LUZP2: variants seen among roughly 807,000 people sequenced by gnomAD.
LUZP2 encodes leucine zipper protein 2.
Under a neutral mutation model 51.6 loss-of-function variants are expected in LUZP2, and 52 were observed. That is an observed-to-expected ratio of 1.01 (90% confidence interval 0.81 to 1.27). The LOEUF (loss-of-function observed/expected upper bound fraction) is 1.27, where lower values mean the gene tolerates loss of function less well. Ranked by LOEUF, LUZP2 falls within the 50% of genes most tolerant of loss-of-function variation. The probability of loss-of-function intolerance (pLI) is 0.00; values close to 1 mark genes in which losing one functional copy is unlikely to be tolerated. For missense variants in LUZP2, 436 were observed against 395.4 expected (o/e 1.10, Z -0.87); for synonymous variants, 154 against 137.3 (o/e 1.12, Z -0.85).
intron 1 of LUZP2, among the ~76,000 whole-genome samples, chr11:24,499,480 G>A (rs768563756): frequency 3.9e-5 from 6 of 152,196 alleles, no homozygotes; most frequent in Admixed American, 3.3e-4. Flanking sequence ...AAGGACAGTT[G>A]TGTTAGTAGG....
chr11:24,703,775 G>A (rs148031575), intron 1 of LUZP2, among the ~76,000 whole-genome samples: 311 of 152,008 alleles, frequency 2.0e-3, no homozygotes, highest in African/African-American at 7.1e-3. Flanking sequence ...GTTGCAGTGA[G>A]CCGAGATCAT....
chr11:24,536,442 T>TC (rs753639874), intron 1 of LUZP2, among the ~76,000 whole-genome samples: 1 of 151,956 alleles, frequency 6.6e-6, no homozygotes, highest in East Asian at 1.9e-4. Flanking sequence ...CTGGATAACT[T>TC]CCTGCACCTT....
chr11:24,762,296 T>C (rs1028780006), intron 4 of LUZP2, among the ~76,000 whole-genome samples: 5 of 152,180 alleles, frequency 3.3e-5, no homozygotes, highest in Non-Finnish European at 7.3e-5. Flanking sequence ...CATGAGGCTA[T>C]TGAGCATTAG....
Position 24,824,139 on chromosome 11 carries a change from G to A in LUZP2, c.396+60831G>A, listed in dbSNP as rs113612693. Among the ~76,000 whole-genome samples the A allele has an allele frequency of 1.3e-3, 197 of 151,792 alleles. 1 individual carries two copies. The highest frequency in any genetic ancestry group is 4.3e-3 in the African/African-American group (177 of 41,444). ...AGCACTTTGGGAGGCCGAGGCAGGC[G>A]GATCACCTGAGGTCGGGAGTTCGAG... On this transcript the variant is annotated intron_variant, in intron 5 of 11. Coordinates refer to ENST00000336930, the MANE Select transcript of LUZP2 (RefSeq NM_001009909.4).
intron 5 of LUZP2, among the ~76,000 whole-genome samples, chr11:24,851,379 G>T (rs1276532357): frequency 6.6e-6 from 1 of 152,118 alleles, no homozygotes; most frequent in African/African-American, 2.4e-5. Flanking sequence ...TTCTGTCATT[G>T]GTTCTGTTTA....
intron 1 of LUZP2, among the ~76,000 whole-genome samples, chr11:24,649,621 A>G (rs1855564107): frequency 6.6e-6 from 1 of 151,908 alleles, no homozygotes; most frequent in South Asian, 2.1e-4. Context: ...TGCTTTAGGT[A>G]ATTTCCATCA....
chr11:24,523,378 C>CT (rs1438427940), intron 1 of LUZP2, among the ~76,000 whole-genome samples: 9 of 151,348 alleles, frequency 5.9e-5, no homozygotes, highest in African/African-American at 2.2e-4. Context: ...TCAATTATAC[C>CT]TTTAACATTT....
Position 24,730,769 on chromosome 11 carries a change from C to T in LUZP2, c.181-1349C>T, listed in dbSNP as rs537496954. 3.9e-5 allele frequency among the ~76,000 whole-genome samples: 6 copies of T among 151,904 alleles called. No homozygotes were observed. The East Asian group carries it at 5.8e-4, about 15-fold the overall frequency. On this transcript the variant is annotated intron_variant, in intron 2 of 11. Transcript: ENST00000336930. ...ATGCCAGTAGCCAAAGGCAAGACATCTTATAACAGTCTAGAAAGTTGCTTG... is the reference window on the plus strand; with the variant it reads ...ATGCCAGTAGCCAAAGGCAAGACATTTTATAACAGTCTAGAAAGTTGCTTG...
At chr11:24,796,800 C>T (rs1320431131) in intron 5 of LUZP2, among the ~76,000 whole-genome samples, 4 of 151,988 alleles carry the variant, frequency 2.6e-5, no homozygotes, top group African/African-American at 9.7e-5. Flanking sequence ...TTTTGAAGAA[C>T]AAATCTAGCA....
At chr11:24,499,925 G>A (rs1039042660) in intron 1 of LUZP2, among the ~76,000 whole-genome samples, 6 of 152,166 alleles carry the variant, frequency 3.9e-5, no homozygotes, top group Non-Finnish European at 7.3e-5. Context: ...TTTTGACTGT[G>A]TTGTGAACAG....
At chr11:24,920,559 G>T (rs936197306) in intron 7 of LUZP2, among the ~76,000 whole-genome samples, 1 of 151,934 alleles carries the variant, frequency 6.6e-6, no homozygotes, top group Non-Finnish European at 1.5e-5. Context: ...ATCAACAGAT[G>T]ATAAAGAAAT....
chr11:24,761,251 C>G (rs890599752), intron 4 of LUZP2, among the ~76,000 whole-genome samples: 7 of 152,084 alleles, frequency 4.6e-5, no homozygotes, highest in African/African-American at 1.4e-4. Context: ...CTGGAGTAGG[C>G]AGCTTCACAT....
In LUZP2 at chr11:24,763,288, A is replaced by T. The variant is rs1179062633; in HGVS notation, c.376A>T (p.Ile126Phe). ...TGAAGTTGAAAGAAAGAGCAAAATG[A>T]TCCGAGACCTCCAGAATGAGGTAAG... is the stretch of plus-strand genomic sequence containing the variant. The part of the protein sequence containing the change: ...KTEVERKSKM[I>F]RDLQNENKSL... The change falls in exon 5 of 12, where the codon ATC (isoleucine) becomes TTC (phenylalanine). Residue 126 changes from isoleucine to phenylalanine, a missense_variant. Ile to Phe is a conservative substitution (Grantham distance 21, BLOSUM62 0). Coordinates refer to ENST00000336930, the MANE Select transcript of LUZP2 (RefSeq NM_001009909.4). 1.4e-6 allele frequency: 2 copies of T among 1,387,146 alleles called. No individual in the cohort carries two copies. Among genetic ancestry groups the T allele is most frequent in the Non-Finnish European group, 1.9e-6 (2 of 1,048,348 alleles). 85.9% of individuals were successfully genotyped at this position (1,387,146 alleles called of 1,614,324 possible). A position where few individuals can be genotyped will look rare whatever the true frequency, so the allele number is the denominator to read the frequency against.
intron 1 of LUZP2, among the ~76,000 whole-genome samples, chr11:24,509,209 A>G (rs1332918361): frequency 6.6e-6 from 1 of 152,160 alleles, no homozygotes; most frequent in Admixed American, 6.6e-5. Context: ...AACAAACTCA[A>G]CATTCACATT....
intron 9 of LUZP2, among the ~76,000 whole-genome samples, chr11:25,007,424 G>A (rs906699488): frequency 3.3e-5 from 5 of 152,132 alleles, no homozygotes; most frequent in Non-Finnish European, 7.3e-5. Context: ...CTAACATGGT[G>A]AAACCCCATC....
chr11:24,865,972 G>C (rs975460011), intron 5 of LUZP2, among the ~76,000 whole-genome samples: 1 of 151,568 alleles, frequency 6.6e-6, no homozygotes, highest in African/African-American at 2.4e-5. Flanking sequence ...ACCATGCCCA[G>C]CTAATTTTTG....
chr11:24,897,467 C>G (rs1037125038), intron 5 of LUZP2, among the ~76,000 whole-genome samples: 5 of 151,984 alleles, frequency 3.3e-5, no homozygotes, highest in African/African-American at 7.2e-5. Context: ...ATGAACCCAC[C>G]GGGAGGAATG....
At chr11:24,787,095 T>A (rs964559886) in intron 5 of LUZP2, among the ~76,000 whole-genome samples, 9 of 152,146 alleles carry the variant, frequency 5.9e-5, no homozygotes, top group African/African-American at 2.2e-4. Flanking sequence ...CTGAAATGAT[T>A]TAAAAAGACC....
chr11:24,713,516 A>C (rs995905906), intron 1 of LUZP2, among the ~76,000 whole-genome samples: 2 of 151,954 alleles, frequency 1.3e-5, no homozygotes, highest in Non-Finnish European at 2.9e-5. Flanking sequence ...AACCATCCAA[A>C]GATCAGAAAT....
Sources: gnomAD v4.1 joint callset for allele counts (sites outside exome capture counted in the v4.1 genomes callset) on GRCh38, gnomAD v4.1.1 for gene constraint, MANE v1.5 for transcripts, NCBI Gene and HGNC (gene_info 2026-07-23, HGNC 2026-07-21) for gene names.